Variants in ZNF354A observed in about 807,000 individuals in gnomAD.
ZNF354A encodes epididymis luminal protein 104.
A neutral mutation model predicts 53.3 loss-of-function variants in ZNF354A; 25 were observed. The observed-to-expected ratio is 0.47, with a 90% CI of 0.34 to 0.66. ZNF354A has a LOEUF of 0.66. ZNF354A is among the 30% of genes least tolerant of loss of function. The pLI is 0.01. For synonymous variants in ZNF354A, 228 were observed against 249.0 expected, an observed-to-expected ratio of 0.92 and a Z score of 0.79; for missense variants, 586 against 716.8, an observed-to-expected ratio of 0.82 and a Z score of 2.08.
chr5:178,711,726 C>T lies in ZNF354A; in HGVS notation c.*334G>A, dbSNP rs1362926598. The T allele has an allele frequency of 2.1e-5, 4 of 189,398 alleles. No individual in the cohort carries two copies. The South Asian group carries it at 5.6e-4, about 26-fold the overall frequency. The allele number at this position is 189,398 out of a possible 1,614,324, so 11.7% of individuals were successfully genotyped here. A position where few individuals can be genotyped will look rare whatever the true frequency, so the allele number is the denominator to read the frequency against. On this transcript the variant is annotated 3_prime_UTR_variant, in exon 5 of 5. Transcript: ENST00000335815. The stretch of plus-strand genomic sequence containing the variant: ...AATGAGAAATCTAAAGCACACCTCC[C>T]CACCCACTCGGATATCTGTTTCTGA...
intron 1 of ZNF354A, among the ~76,000 whole-genome samples, chr5:178,729,882 T>TTTTTTTTTTTTTTTTTA (rs1233141218): frequency 4.7e-5 from 7 of 147,542 alleles, no homozygotes; most frequent in Non-Finnish European, 4.5e-5. Flanking sequence ...GTTTCTTTTT[T>TTTTTTTTTTTTTTTTTA]GAGACGGAGT....
intron 4 of ZNF354A, among the ~76,000 whole-genome samples, chr5:178,722,760 C>A (rs1362840329): frequency 6.6e-6 from 1 of 152,216 alleles, no homozygotes; most frequent in African/African-American, 2.4e-5. Flanking sequence ...GCTTACAATG[C>A]AGAGGCAGAG....
At chr5:178,730,292 C>T (rs868867519) in intron 1 of ZNF354A, among the ~76,000 whole-genome samples, 29 of 151,986 alleles carry the variant, frequency 1.9e-4, no homozygotes, top group Admixed American at 7.2e-4. Flanking sequence ...TGCCCCGAGT[C>T]CGCGAGGCCC....
At chr5:178,719,813 G>A (rs922792979) in intron 4 of ZNF354A, among the ~76,000 whole-genome samples, 1 of 151,568 alleles carries the variant, frequency 6.6e-6, no homozygotes, top group African/African-American at 2.4e-5. Flanking sequence ...CGGGCGTAGT[G>A]GCGGGCGCCT....
Position 178,712,246 on chromosome 5 carries a change from A to G in ZNF354A, c.1632T>C (p.His544=), listed in dbSNP as rs1765632569. The G allele has an allele frequency of 6.2e-7, 1 of 1,614,144 alleles. No individual in the cohort carries two copies. Among genetic ancestry groups the G allele is most frequent in the Non-Finnish European group, 8.5e-7 (1 of 1,180,006 alleles). The change falls in exon 5 of 5, where the codon CAT becomes CAC. Residue 544 remains histidine, a synonymous_variant. Coordinates refer to ENST00000335815, the MANE Select transcript of ZNF354A (RefSeq NM_005649.3). ...TACATTTAAAGGGTTTTTCTCCTGT[A>G]TGAATCCTTCGATGCTGAATAAGAG... is the stretch of plus-strand genomic sequence containing the variant. ...SSALIQHRRI[H]TGEKPFKCNT...
At chr5:178,728,463 A>G (rs1765954597) in intron 2 of ZNF354A, among the ~76,000 whole-genome samples, 1 of 151,486 alleles carries the variant, frequency 6.6e-6, no homozygotes, top group East Asian at 1.9e-4. Context: ...ATGCATACAC[A>G]AACACACACA....
At chr5:178,724,304 A>C (rs569233120) in intron 4 of ZNF354A, among the ~76,000 whole-genome samples, 1 of 151,194 alleles carries the variant, frequency 6.6e-6, no homozygotes, top group South Asian at 2.1e-4. Context: ...GGCTCACTGC[A>C]ACCTCCGCCT....
intron 4 of ZNF354A, among the ~76,000 whole-genome samples, chr5:178,715,019 A>G (rs1765687962): frequency 6.6e-6 from 1 of 152,262 alleles, no homozygotes. Context: ...GAAAAGAGTC[A>G]AAGATCAACA....
At chr5:178,719,548 C>G (rs544231187) in intron 4 of ZNF354A, among the ~76,000 whole-genome samples, 2 of 152,186 alleles carry the variant, frequency 1.3e-5, no homozygotes, top group South Asian at 4.1e-4. Flanking sequence ...GGGCTGAAGG[C>G]AGCACCCAAG....
At chr5:178,729,933 G>T (rs146248431) in intron 1 of ZNF354A, among the ~76,000 whole-genome samples, 1 of 149,614 alleles carries the variant, frequency 6.7e-6, no homozygotes, top group Non-Finnish European at 1.5e-5. Flanking sequence ...GCTTGATCTC[G>T]GCTCACTGCA....
chr5:178,722,743 C>T (rs908412846), intron 4 of ZNF354A, among the ~76,000 whole-genome samples: 14 of 152,194 alleles, frequency 9.2e-5, no homozygotes, highest in Admixed American at 2.6e-4. Flanking sequence ...CAACCCCTCC[C>T]ACAGCAGCTT....
At chr5:178,725,581 T>C in intron 3 of ZNF354A, 110 bp from the exon 4 acceptor site, 1 of 1,155,306 alleles carries the variant, frequency 8.7e-7, no homozygotes, top group East Asian at 2.5e-5. Context: ...AGAGCTTCTG[T>C]GTAGGGCTTC....
At chr5:178,726,366 A>G (rs1581749715) in intron 3 of ZNF354A, 1 of 358,766 alleles carries the variant, frequency 2.8e-6, no homozygotes, top group Non-Finnish European at 5.7e-6. Context: ...GCTGGAGTGC[A>G]GTGGCGGGAA....
chr5:178,712,837 A>T lies in ZNF354A; in HGVS notation c.1041T>A (p.Ile347=). ...ATAAGTAGGACTTCTTTCTAGAATG[A>T]ATTCTTTGACATCCAGAAAGGGATG... The part of the protein sequence containing the change: ...CSTSLSGCQR[I]HSRKKSYLCN... The change falls in exon 5 of 5, where the codon ATT becomes ATA. Residue 347 remains isoleucine, a synonymous_variant. Coordinates refer to ENST00000335815, the MANE Select transcript of ZNF354A (RefSeq NM_005649.3). 4.3e-6 allele frequency: 7 copies of T among 1,614,142 alleles called. No individual in the cohort carries two copies. The highest frequency in any genetic ancestry group is 1.7e-4 in the Middle Eastern group (1 of 6,060).
rs968017917 is a variant in ZNF354A at position 178,727,007 on chromosome 5, A to T, written c.152T>A (p.Val51Asp). Residue 51 changes from valine (V) to aspartate (D), a missense_variant, in exon 3 of 5, where the codon GTC becomes GAC. Physicochemically the swap from Val to Asp is radical, Grantham distance 152 (BLOSUM62 -3). Around this residue, in one of 2 missense-constraint regions of ZNF354A, gnomAD observed 573 missense variants for 680.1 expected, o/e 0.84. Coordinates refer to ENST00000335815, the MANE Select transcript of ZNF354A (RefSeq NM_005649.3). Reference sequence around the variant, plus strand: ...AGGGAAAATTTCCTTACCCAGTGAGACCAGGTTCCTATAGTTCTCCAGCAT... The same window carrying T: ...AGGGAAAATTTCCTTACCCAGTGAGTCCAGGTTCCTATAGTTCTCCAGCAT... ...DVMLENYRNL[V>D]SLGLPFTKPK... The T allele has an allele frequency of 3.1e-6, 5 of 1,610,900 alleles. No homozygotes were observed. The highest frequency in any genetic ancestry group is 1.7e-5 in the Admixed American group (1 of 59,088).
chr5:178,712,841 C>T lies in ZNF354A; in HGVS notation c.1037G>A (p.Arg346Lys). ...GTAGGACTTCTTTCTAGAATGAATT[C>T]TTTGACATCCAGAAAGGGATGTGCT... ...SCSTSLSGCQ[R>K]IHSRKKSYLC... The change falls in exon 5 of 5, where the codon AGA becomes AAA. Residue 346 changes from arginine (R) to lysine (K), a missense_variant. This residue lies in a region of ZNF354A where 573 missense variants were observed against 680.1 expected (regional missense o/e 0.84). Coordinates refer to ENST00000335815, the MANE Select transcript of ZNF354A (RefSeq NM_005649.3). 1 of 1,614,022 alleles carries T rather than the reference C, an allele frequency of 6.2e-7. No individual in the cohort carries two copies. The highest frequency in any genetic ancestry group is 8.5e-7 in the Non-Finnish European group (1 of 1,180,040).
intron 3 of ZNF354A, chr5:178,726,368 T>G: frequency 2.8e-6 from 1 of 353,676 alleles, no homozygotes; most frequent in Non-Finnish European, 5.7e-6. Flanking sequence ...TGGAGTGCAG[T>G]GGCGGGAACT....
chr5:178,718,492 T>C (rs1326343027), intron 4 of ZNF354A, among the ~76,000 whole-genome samples: 1 of 152,228 alleles, frequency 6.6e-6, no homozygotes, highest in Non-Finnish European at 1.5e-5. Flanking sequence ...ACACCTCTTA[T>C]GTGTACGACT....
chr5:178,712,245 T>G lies in ZNF354A; in HGVS notation c.1633A>C (p.Thr545Pro). ...TTACATTTAAAGGGTTTTTCTCCTG[T>G]ATGAATCCTTCGATGCTGAATAAGA... ...SALIQHRRIH[T>P]GEKPFKCNTC... Residue 545 changes from threonine to proline, a missense_variant, in exon 5 of 5, where the codon ACA becomes CCA. Coordinates refer to ENST00000335815, the MANE Select transcript of ZNF354A (RefSeq NM_005649.3). 6.2e-7 allele frequency: 1 copy of G among 1,614,136 alleles called. No homozygotes were observed. Among genetic ancestry groups the G allele is most frequent in the Non-Finnish European group, 8.5e-7 (1 of 1,180,000 alleles).
Sources: gnomAD v4.1 joint callset for allele counts (sites outside exome capture counted in the v4.1 genomes callset) on GRCh38, gnomAD v4.1.1 for gene constraint, gnomAD v4.1.1 regional missense constraint, MANE v1.5 for transcripts, NCBI Gene and HGNC (gene_info 2026-07-23, HGNC 2026-07-21) for gene names.